ROR1: variants seen among roughly 807,000 people sequenced by gnomAD.
ROR1 encodes inactive tyrosine-protein kinase transmembrane receptor ROR1.
In ROR1, 19 loss-of-function variants were observed where a neutral mutation model predicts 78.8. That is an observed-to-expected ratio of 0.24 (90% CI 0.17 to 0.35). The LOEUF is 0.35. ROR1 is among the 10% of genes least tolerant of loss of function. The pLI, the probability that ROR1 is intolerant of heterozygous loss-of-function variation, is 1.00. For synonymous variants in ROR1, 386 were observed against 433.6 expected, an observed-to-expected ratio of 0.89 and a Z score of 1.36; for missense variants, 917 against 1,177.8, an observed-to-expected ratio of 0.78 and a Z score of 3.24.
In ROR1 at chr1:63,836,490, T is replaced by C. The variant is rs555229088; in HGVS notation, c.91+61982T>C. ...TACCCAGTTTCTTAAGATTTCATAA[T>C]TAGCAGGGGGGAATTCTGAGTTGAT... On this transcript the variant is annotated intron_variant, in intron 1 of 8. Coordinates refer to ENST00000371079, the MANE Select transcript of ROR1 (RefSeq NM_005012.4). Among the ~76,000 whole-genome samples, 19 of 152,280 alleles carry C rather than the reference T, an allele frequency of 1.2e-4. 1 individual carries two copies. The South Asian group carries it at 3.7e-3, about 30-fold the overall frequency.
At chr1:63,898,389 G>GT (rs10710390) in intron 1 of ROR1, among the ~76,000 whole-genome samples, 5 of 149,370 alleles carry the variant, frequency 3.3e-5, no homozygotes, top group African/African-American at 9.9e-5. Flanking sequence ...GATAAAGGAG[G>GT]TTTTTTTTTT....
intron 4 of ROR1, among the ~76,000 whole-genome samples, chr1:64,055,377 C>T (rs993606355): frequency 6.6e-5 from 10 of 152,248 alleles, no homozygotes; most frequent in Non-Finnish European, 1.2e-4. Context: ...TGAAGTGGCT[C>T]TGCCAGTGTA....
intron 1 of ROR1, among the ~76,000 whole-genome samples, chr1:64,008,297 A>G (rs1354304760): frequency 3.9e-5 from 6 of 152,134 alleles, no homozygotes; most frequent in Non-Finnish European, 8.8e-5. Flanking sequence ...ACATGATTTC[A>G]TTATTTTTAT....
In ROR1 at chr1:63,906,106, T is replaced by A. The variant is rs995865426; in HGVS notation, c.92-103199T>A. Among the ~76,000 whole-genome samples the A allele has an allele frequency of 1.8e-4, 27 of 152,252 alleles. 1 individual carries two copies. The highest frequency in any genetic ancestry group is 1.0e-3 in the Admixed American group (16 of 15,292). On this transcript the variant is annotated intron_variant, in intron 1 of 8. Transcript: ENST00000371079. ...TGCTTATAATATGGGGAAGAACAGA[T>A]CTTGGCAAATGGGATTGTTTTGAGG...
chr1:64,117,284 C>T (rs1177592791), intron 4 of ROR1, among the ~76,000 whole-genome samples: 1 of 152,134 alleles, frequency 6.6e-6, no homozygotes, highest in Admixed American at 6.5e-5. Flanking sequence ...TCATTTTCCT[C>T]ATCTTTGAAA....
At chr1:64,110,207 G>A (rs959631066) in intron 4 of ROR1, among the ~76,000 whole-genome samples, 6 of 152,144 alleles carry the variant, frequency 3.9e-5, no homozygotes, top group African/African-American at 1.4e-4. Context: ...AGCAATGAAG[G>A]CAGCTCACTT....
At chr1:64,171,606 C>T (rs772753080) in intron 8 of ROR1, among the ~76,000 whole-genome samples, 3 of 152,184 alleles carry the variant, frequency 2.0e-5, no homozygotes, top group Non-Finnish European at 2.9e-5. Context: ...GACATTAGAA[C>T]ATGGGGAATT....
chr1:63,845,747 A>G (rs187886666), intron 1 of ROR1, among the ~76,000 whole-genome samples: 1 of 151,898 alleles, frequency 6.6e-6, no homozygotes, highest in Non-Finnish European at 1.5e-5. Context: ...GTAACTTCCA[A>G]CTTTTGGGAG....
intron 1 of ROR1, among the ~76,000 whole-genome samples, chr1:63,925,526 C>A (rs963724583): frequency 2.0e-5 from 3 of 152,088 alleles, no homozygotes; most frequent in African/African-American, 7.2e-5. Flanking sequence ...TGGGTATATA[C>A]CCAGTAATGG....
intron 1 of ROR1, among the ~76,000 whole-genome samples, chr1:63,811,784 G>A (rs1041686786): frequency 1.3e-5 from 2 of 151,914 alleles, no homozygotes. Flanking sequence ...CCCCTTTCTG[G>A]CCTGTTTTGA....
chr1:63,857,488 C>A (rs1051519866), intron 1 of ROR1, among the ~76,000 whole-genome samples: 2 of 152,144 alleles, frequency 1.3e-5, no homozygotes, highest in Non-Finnish European at 2.9e-5. Flanking sequence ...ATCTGAAGTG[C>A]CTTTTCCATG....
At chr1:63,814,481 A>G (rs188601820) in intron 1 of ROR1, among the ~76,000 whole-genome samples, 6 of 152,204 alleles carry the variant, frequency 3.9e-5, no homozygotes, top group Admixed American at 3.9e-4. Flanking sequence ...TTTATTGTGC[A>G]CTTTATTTCT....
At chr1:63,953,321 C>T (rs2100473579) in intron 1 of ROR1, among the ~76,000 whole-genome samples, 1 of 152,224 alleles carries the variant, frequency 6.6e-6, no homozygotes, top group Non-Finnish European at 1.5e-5. Flanking sequence ...GGATATGTTC[C>T]AAGATGCCCA....
chr1:63,853,460 C>T (rs534592567), intron 1 of ROR1, among the ~76,000 whole-genome samples: 1 of 152,274 alleles, frequency 6.6e-6, no homozygotes, highest in South Asian at 2.1e-4. Context: ...CAAAGGTGCT[C>T]CTTGGAGCAT....
chr1:63,871,588 C>T (rs893143731), intron 1 of ROR1, among the ~76,000 whole-genome samples: 9 of 152,154 alleles, frequency 5.9e-5, no homozygotes, highest in Non-Finnish European at 1.0e-4. Flanking sequence ...AAATGGAAAC[C>T]GGTTTCTCTA....
intron 1 of ROR1, among the ~76,000 whole-genome samples, chr1:64,002,671 A>C: frequency 6.6e-6 from 1 of 152,320 alleles, no homozygotes; most frequent in South Asian, 2.1e-4. Context: ...GGTTGAATTT[A>C]ATAGATTTTA....
At chr1:63,902,330 T>A (rs1277085473) in intron 1 of ROR1, among the ~76,000 whole-genome samples, 3 of 151,952 alleles carry the variant, frequency 2.0e-5, no homozygotes, top group Non-Finnish European at 4.4e-5. Flanking sequence ...AGACCTTTTT[T>A]TTTTCTTTTA....
At chr1:63,848,342 G>C (rs1402354560) in intron 1 of ROR1, among the ~76,000 whole-genome samples, 2 of 152,172 alleles carry the variant, frequency 1.3e-5, no homozygotes, top group Non-Finnish European at 2.9e-5. Flanking sequence ...CAGACCAAGT[G>C]ACTGCAATAA....
intron 2 of ROR1, among the ~76,000 whole-genome samples, chr1:64,023,564 C>T (rs912800843): frequency 4.6e-5 from 7 of 151,990 alleles, no homozygotes; most frequent in African/African-American, 1.7e-4. Context: ...AAAACTAGCT[C>T]TTGCAATATC....
Sources: gnomAD v4.1 joint callset for allele counts (sites outside exome capture counted in the v4.1 genomes callset) on GRCh38, gnomAD v4.1.1 for gene constraint, MANE v1.5 for transcripts, NCBI Gene and HGNC (gene_info 2026-07-23, HGNC 2026-07-21) for gene names.